DPY19L2: variants seen among roughly 807,000 people sequenced by gnomAD.
The protein encoded by DPY19L2 is probable C-mannosyltransferase DPY19L2.
DPY19L2 carries 34 observed loss-of-function variants against 97.9 expected under a neutral mutation model. The observed-to-expected ratio is 0.35, with a 90% CI of 0.26 to 0.46. DPY19L2 has a LOEUF of 0.46. Ranked by LOEUF, DPY19L2 falls within the 20% of genes least tolerant of loss-of-function variation. DPY19L2 has a pLI of 1.00. For missense variants in DPY19L2, 623 were observed against 911.4 expected (o/e 0.68, Z 4.07); for synonymous variants, 230 against 307.9 (o/e 0.75, Z 2.65).
In DPY19L2 at chr12:63,624,191, C is replaced by A. The variant is rs546639994; in HGVS notation, c.862-60G>T. The A allele has an allele frequency of 3.5e-5, 45 of 1,290,568 alleles. No homozygotes were observed. The South Asian group carries it at 4.2e-4, about 12-fold the overall frequency. The allele number at this position is 1,290,568 out of a possible 1,614,324, so 79.9% of individuals were successfully genotyped here. ...TTACTACAACAAACATATTAAAAAACCAGGGGTGAGTTTGTTTTAGTAATT... is the reference window on the plus strand; with the variant it reads ...TTACTACAACAAACATATTAAAAAAACAGGGGTGAGTTTGTTTTAGTAATT... On this transcript the variant is annotated intron_variant, in intron 7 of 21. Transcript: ENST00000324472.
At chr12:63,660,513 C>A (rs1008089006) in intron 4 of DPY19L2, among the ~76,000 whole-genome samples, 14 of 151,872 alleles carry the variant, frequency 9.2e-5, no homozygotes, top group African/African-American at 3.4e-4. Flanking sequence ...AGAAGCAGAA[C>A]AAAGGTGATT....
intron 16 of DPY19L2, among the ~76,000 whole-genome samples, chr12:63,587,539 T>C (rs1346658049): frequency 6.8e-6 from 1 of 147,134 alleles, no homozygotes; most frequent in Non-Finnish European, 1.5e-5. Flanking sequence ...CAGAAGAAAC[T>C]AGTTAGACAT....
At chr12:63,590,090 T>G (rs1882626583) in intron 16 of DPY19L2, among the ~76,000 whole-genome samples, 1 of 151,818 alleles carries the variant, frequency 6.6e-6, no homozygotes, top group South Asian at 2.1e-4. Flanking sequence ...ATTGTGCCAC[T>G]GCATACACAG....
chr12:63,650,428 T>C (rs1421898803), intron 4 of DPY19L2, among the ~76,000 whole-genome samples: 2 of 152,124 alleles, frequency 1.3e-5, no homozygotes, highest in African/African-American at 4.8e-5. Flanking sequence ...CCCCATAGTC[T>C]CTTACTAAAA....
At chr12:63,635,797 G>A (rs954015460) in intron 6 of DPY19L2, among the ~76,000 whole-genome samples, 5 of 152,156 alleles carry the variant, frequency 3.3e-5, no homozygotes, top group African/African-American at 1.2e-4. Context: ...CAAATCTACG[G>A]CTGATCGGTG....
In DPY19L2 at chr12:63,590,130, AAACAAC is replaced by A. The variant is rs530724760; in HGVS notation, c.1580+3951_1580+3956del. On this transcript the variant is annotated intron_variant, in intron 16 of 21. Transcript: ENST00000324472. ...GAGACAAAAAAAACAAAACAAAACA[AAACAAC>A]AACAACAACAACAAAAACCCACAAA... Among the ~76,000 whole-genome samples, 706 of 151,528 alleles carry A rather than the reference AAACAAC, an allele frequency of 4.7e-3. 9 individuals are homozygous for A. The highest frequency in any genetic ancestry group is 0.016 in the African/African-American group (648 of 41,106).
intron 7 of DPY19L2, among the ~76,000 whole-genome samples, chr12:63,625,534 G>C (rs1889386140): frequency 6.6e-6 from 1 of 152,146 alleles, no homozygotes; most frequent in African/African-American, 2.4e-5. Context: ...CATGGACATG[G>C]TATGTACTCA....
At chr12:63,631,320 G>A (rs1435369418) in intron 6 of DPY19L2, among the ~76,000 whole-genome samples, 1 of 152,020 alleles carries the variant, frequency 6.6e-6, no homozygotes, top group Non-Finnish European at 1.5e-5. Context: ...TACACCGCTA[G>A]CAAGACAAAG....
At chr12:63,645,016 T>G (rs1279467386) in intron 5 of DPY19L2, among the ~76,000 whole-genome samples, 1 of 152,060 alleles carries the variant, frequency 6.6e-6, no homozygotes, top group Non-Finnish European at 1.5e-5. Context: ...TTAGTCTATA[T>G]GAAATGATCC....
chr12:63,636,619 A>C (rs962022683), intron 6 of DPY19L2, among the ~76,000 whole-genome samples: 1 of 151,850 alleles, frequency 6.6e-6, no homozygotes, highest in East Asian at 1.9e-4. Context: ...AAAACAAAAC[A>C]AAAGGGGTTG....
intron 12 of DPY19L2, 49 bp from the exon 13 acceptor site, chr12:63,600,435 C>A (rs1271974670): frequency 2.2e-6 from 3 of 1,350,480 alleles, no homozygotes; most frequent in African/African-American, 1.4e-5. Context: ...AATCACCCAG[C>A]TAAAGTATTC....
At chr12:63,631,289 G>A (rs557165024) in intron 6 of DPY19L2, among the ~76,000 whole-genome samples, 15 of 152,026 alleles carry the variant, frequency 9.9e-5, no homozygotes, top group Admixed American at 2.0e-4. Flanking sequence ...GCTGGTTTTT[G>A]GGAAAGATCA....
chr12:63,642,524 G>A (rs923183309), intron 6 of DPY19L2, among the ~76,000 whole-genome samples: 9 of 151,948 alleles, frequency 5.9e-5, no homozygotes, highest in African/African-American at 2.2e-4. Context: ...TGCTCCATAT[G>A]ATCTCCCAAT....
chr12:63,584,470 G>A (rs557448997), intron 16 of DPY19L2, among the ~76,000 whole-genome samples: 1 of 152,230 alleles, frequency 6.6e-6, no homozygotes, highest in South Asian at 2.1e-4. Flanking sequence ...GCTAACTGCA[G>A]TCCAAAAACA....
chr12:63,580,500 T>C (rs1328873400), intron 19 of DPY19L2, among the ~76,000 whole-genome samples, 162 bp downstream of exon 19: 1 of 152,158 alleles, frequency 6.6e-6, no homozygotes, highest in Non-Finnish European at 1.5e-5. Context: ...TGATTGACAT[T>C]GCAATAGTCT....
At chr12:63,636,538 T>C (rs76123086) in intron 6 of DPY19L2, among the ~76,000 whole-genome samples, 1 of 151,964 alleles carries the variant, frequency 6.6e-6, no homozygotes, top group Admixed American at 6.6e-5. Context: ...ACCCATCTCA[T>C]GTGCAGAGAC....
intron 6 of DPY19L2, among the ~76,000 whole-genome samples, chr12:63,640,192 G>A (rs1892468664): frequency 6.6e-6 from 1 of 151,956 alleles, no homozygotes; most frequent in Non-Finnish European, 1.5e-5. Context: ...CACACACCGG[G>A]GCCTGTCATG....
At chr12:63,590,911 G>A (rs1430797744) in intron 16 of DPY19L2, 2 of 357,252 alleles carry the variant, frequency 5.6e-6, no homozygotes, top group Middle Eastern at 9.2e-4. Flanking sequence ...TCCATATTCT[G>A]AGTAATTATC....
chr12:63,562,063 T>C (rs187557826), intron 21 of DPY19L2, among the ~76,000 whole-genome samples: 161 of 152,282 alleles, frequency 1.1e-3, no homozygotes, highest in Non-Finnish European at 1.7e-3. Context: ...GAGTTCTTTG[T>C]ATATTATGGG....
Sources: gnomAD v4.1 joint callset for allele counts (sites outside exome capture counted in the v4.1 genomes callset) on GRCh38, gnomAD v4.1.1 for gene constraint, MANE v1.5 for transcripts, NCBI Gene and HGNC (gene_info 2026-07-23, HGNC 2026-07-21) for gene names.